ARHGAP19: variants seen among roughly 807,000 people sequenced by gnomAD.
The protein encoded by ARHGAP19 is rho GTPase-activating protein 19.
ARHGAP19 carries 48 observed loss-of-function variants against 60.9 expected under a neutral mutation model. The ratio of observed to expected loss-of-function variants is 0.79; its 90% CI spans 0.62 to 1.00. The LOEUF is 1.00. ARHGAP19 is among the 50% of genes least tolerant of loss of function. The probability of loss-of-function intolerance (pLI) is 0.00; values close to 1 mark genes in which losing one functional copy is unlikely to be tolerated. For synonymous variants in ARHGAP19, 209 were observed against 215.5 expected, an observed-to-expected ratio of 0.97 and a Z score of 0.27; for missense variants, 562 against 597.2, an observed-to-expected ratio of 0.94 and a Z score of 0.61.
At chr10:97,254,190 T>C (rs1238404024) in intron 6 of ARHGAP19, among the ~76,000 whole-genome samples, 1 of 152,124 alleles carries the variant, frequency 6.6e-6, no homozygotes, top group African/African-American at 2.4e-5. Context: ...CTAAAATTCA[T>C]ACGGAATCTC....
chr10:97,252,455 T>C (rs1406981855), intron 6 of ARHGAP19, among the ~76,000 whole-genome samples: 3 of 150,938 alleles, frequency 2.0e-5, no homozygotes, highest in African/African-American at 7.4e-5. Flanking sequence ...ACCCCGTCTC[T>C]ACTAAAAATA....
chr10:97,260,110 C>A lies in ARHGAP19; in HGVS notation c.614-482G>T, dbSNP rs576049296. Reference sequence around the variant, plus strand: ...TCAGCCTCCCAAAGTGCTGGGATTACAGGCGTGAGCCACAACACCCGGCCA... The same window carrying A: ...TCAGCCTCCCAAAGTGCTGGGATTAAAGGCGTGAGCCACAACACCCGGCCA... On this transcript the variant is annotated intron_variant, in intron 4 of 11. Coordinates refer to ENST00000358531, the MANE Select transcript of ARHGAP19 (RefSeq NM_032900.6). Among the ~76,000 whole-genome samples, 15 of 150,596 alleles carry A rather than the reference C, an allele frequency of 1.0e-4. No individual in the cohort carries two copies. The East Asian group carries it at 2.8e-3, about 28-fold the overall frequency.
chr10:97,260,173 T>G (rs1260552992), intron 4 of ARHGAP19, among the ~76,000 whole-genome samples: 1 of 151,308 alleles, frequency 6.6e-6, no homozygotes, highest in African/African-American at 2.4e-5. Context: ...GAATAGACAT[T>G]CCTTCAGAAG....
At chr10:97,270,836 GTTAA>G (rs1842951566) in intron 1 of ARHGAP19, 1 of 192,070 alleles carries the variant, frequency 5.2e-6, no homozygotes, top group Admixed American at 6.5e-5. Context: ...AACTAGACCA[GTTAA>G]TTAACTGTAT....
intron 4 of ARHGAP19, among the ~76,000 whole-genome samples, chr10:97,259,997 G>C (rs868146459): frequency 1.3e-5 from 2 of 151,650 alleles, no homozygotes; most frequent in East Asian, 4.0e-4. Flanking sequence ...CACCACGCCC[G>C]GCTAATTTTT....
chr10:97,256,240 C>T lies in ARHGAP19; in HGVS notation c.927+78G>A. 5 of 1,168,852 alleles carry T rather than the reference C, an allele frequency of 4.3e-6. No homozygotes were observed. In the South Asian group the frequency reaches 6.4e-5, roughly 15 times the overall value. 72.4% of individuals were successfully genotyped at this position (1,168,852 alleles called of 1,614,324 possible). ...CAGGACCTTTTTCTCGTTTAGTTAT[C>T]TTTATAGCCCCACTTAGGATCCCAC... On this transcript the variant is annotated intron_variant, in intron 6 of 11. Coordinates refer to ENST00000358531, the MANE Select transcript of ARHGAP19 (RefSeq NM_032900.6).
intron 6 of ARHGAP19, among the ~76,000 whole-genome samples, chr10:97,250,695 G>A (rs1263026841): frequency 6.6e-6 from 1 of 150,938 alleles, no homozygotes; most frequent in African/African-American, 2.4e-5. Flanking sequence ...TTTCTAAATT[G>A]AAAAACTATA....
At chr10:97,255,507 G>A (rs559346702) in intron 6 of ARHGAP19, among the ~76,000 whole-genome samples, 3 of 152,222 alleles carry the variant, frequency 2.0e-5, no homozygotes, top group African/African-American at 7.2e-5. Context: ...ATCCCAGAAG[G>A]TTGAGGCTGC....
intron 4 of ARHGAP19, among the ~76,000 whole-genome samples, chr10:97,263,013 T>C (rs896389495): frequency 9.9e-5 from 15 of 152,060 alleles, no homozygotes; most frequent in African/African-American, 2.2e-4. Context: ...CTTGGGAGGC[T>C]GAGGTGGGAG....
intron 6 of ARHGAP19, among the ~76,000 whole-genome samples, chr10:97,247,953 A>C (rs1842586096): frequency 6.8e-6 from 1 of 146,480 alleles, no homozygotes; most frequent in African/African-American, 2.5e-5. Flanking sequence ...TATATCTTTT[A>C]ATGTGGTTTT....
intron 8 of ARHGAP19, among the ~76,000 whole-genome samples, chr10:97,236,676 G>A (rs527833178): frequency 2.0e-5 from 3 of 151,916 alleles, no homozygotes; most frequent in South Asian, 2.1e-4. Flanking sequence ...GCATGGTGGT[G>A]TACATCTGTA....
chr10:97,286,299 C>G (rs372385378), intron 1 of ARHGAP19, among the ~76,000 whole-genome samples: 5 of 152,162 alleles, frequency 3.3e-5, no homozygotes, highest in African/African-American at 9.7e-5. Context: ...GCAATTTAAC[C>G]AAAAGGCTCA....
At chr10:97,241,730 C>T (rs11189059) in intron 8 of ARHGAP19, among the ~76,000 whole-genome samples, 3,871 of 149,524 alleles carry the variant, frequency 0.026, 85 homozygotes, top group Non-Finnish European at 0.042. Context: ...TAAAAATAGG[C>T]CGGGTGCAGT....
intron 11 of ARHGAP19, 132 bp from the exon 12 acceptor site, chr10:97,226,264 A>G: frequency 1.2e-6 from 1 of 840,378 alleles, no homozygotes; most frequent in Non-Finnish European, 1.9e-6. Flanking sequence ...TTAATTAAGA[A>G]TGTGTGACTC....
At chr10:97,231,162 C>T (rs1851008795) in intron 9 of ARHGAP19, among the ~76,000 whole-genome samples, 1 of 148,622 alleles carries the variant, frequency 6.7e-6, no homozygotes, top group South Asian at 2.1e-4. Flanking sequence ...ACAGGGAAGT[C>T]AGAGGGAATG....
chr10:97,286,424 T>A (rs11189098), intron 1 of ARHGAP19, among the ~76,000 whole-genome samples: 6,240 of 152,290 alleles, frequency 0.041, 206 homozygotes, highest in Non-Finnish European at 0.061. Context: ...AAACCCCATC[T>A]CTACTAAAAA....
intron 1 of ARHGAP19, among the ~76,000 whole-genome samples, chr10:97,289,107 G>A (rs558549431): frequency 2.1e-5 from 3 of 142,368 alleles, no homozygotes; most frequent in South Asian, 2.2e-4. Flanking sequence ...GTGAGCCACC[G>A]TGCCCGGCTT....
chr10:97,288,771 G>A lies in ARHGAP19; in HGVS notation c.56+3801C>T, dbSNP rs976836760. On this transcript the variant is annotated intron_variant, in intron 1 of 11. Coordinates refer to ENST00000358531, the MANE Select transcript of ARHGAP19 (RefSeq NM_032900.6). ...TGTGATAAATACATATGTGTATCCC[G>A]CCCTCAAAATGCCTTACAGAAACCC... Among the ~76,000 whole-genome samples the A allele has an allele frequency of 2.7e-5, 4 of 146,412 alleles. No homozygotes were observed. The South Asian group carries it at 6.5e-4, about 24-fold the overall frequency.
intron 9 of ARHGAP19, among the ~76,000 whole-genome samples, chr10:97,231,597 A>G (rs140759818): frequency 2.1e-4 from 32 of 152,274 alleles, no homozygotes; most frequent in African/African-American, 7.5e-4. Flanking sequence ...TCTTAGCATA[A>G]TATCTTCAAG....
Sources: allele counts gnomAD v4.1 joint callset (sites outside exome capture counted in the v4.1 genomes callset), GRCh38; gene constraint gnomAD v4.1.1; transcripts MANE v1.5; gene names NCBI Gene and HGNC (gene_info 2026-07-23, HGNC 2026-07-21).